The following DCHS2 variants were observed in gnomAD, a reference collection of about 807,000 sequenced individuals.
DCHS2 encodes the protein dachsous cadherin-related 2.
DCHS2 carries 142 observed loss-of-function variants against 182.4 expected under a neutral mutation model. The ratio of observed to expected loss-of-function variants is 0.78; its 90% confidence interval spans 0.68 to 0.89. The LOEUF (loss-of-function observed/expected upper bound fraction) is 0.89. DCHS2 is among the 40% of genes least tolerant of loss of function. DCHS2 has a pLI of 0.00. For missense variants in DCHS2, 4,319 were observed against 4,198.6 expected (o/e 1.03, Z -0.79); for synonymous variants, 1,740 against 1,663.3 (o/e 1.05, Z -1.12).
chr4:154,247,169 A>G lies in DCHS2; in HGVS notation c.6942-4397T>C, dbSNP rs563478179. Among the ~76,000 whole-genome samples the G allele has an allele frequency of 4.6e-5, 7 of 152,324 alleles. No homozygotes were observed. In the South Asian group the frequency reaches 1.0e-3, roughly 23 times the overall value. ...AAATTTCTAGAGAGAAGGAAAAATT[A>G]TACAAAGTAAAAGAATCAGAATGGT... On this transcript the variant is annotated intron_variant, in intron 16 of 19. Transcript: ENST00000357232.
chr4:154,420,246 CAGATAGATAGATAGATAGAT>C lies in DCHS2; in HGVS notation c.2053-42822_2053-42803del, dbSNP rs35709774. Among the ~76,000 whole-genome samples the C allele has an allele frequency of 9.7e-5, 14 of 144,854 alleles. No homozygotes were observed. In the South Asian group the frequency reaches 2.3e-3, roughly 23 times the overall value. The stretch of plus-strand genomic sequence containing the variant: ...ACAGAACCGATGGGAGACAGACAGA[CAGATAGATAGATAGATAGAT>C]AGATAGATAGATAGATAGATAGATA... On this transcript the variant is annotated intron_variant, in intron 1 of 19. Coordinates refer to ENST00000357232, the MANE Select transcript of DCHS2 (RefSeq NM_001358235.2).
chr4:154,251,193 G>A (rs1732337111), intron 16 of DCHS2, among the ~76,000 whole-genome samples: 1 of 152,174 alleles, frequency 6.6e-6, no homozygotes, highest in Non-Finnish European at 1.5e-5. Flanking sequence ...AGAATACACT[G>A]AGTTTAGCAT....
chr4:154,489,635 G>T lies in DCHS2; in HGVS notation c.1721C>A (p.Ala574Asp), dbSNP rs1309346720. Residue 574 changes from alanine to aspartate, a missense_variant, in exon 1 of 20, where the codon GCC becomes GAC. By Grantham distance (126) the Ala-to-Asp change is moderately radical (BLOSUM62 -2). Transcript: ENST00000357232. ...SDADEAGSDH[A>D]WLRYTVVQLS... is the part of the protein sequence containing the mutation. ...TTGGACTACAGTGTAGCGCAGCCAG[G>T]CGTGATCACTGCCTGCCTCGTCGGC... The T allele has an allele frequency of 6.4e-7, 1 of 1,551,618 alleles. No homozygotes were observed.
intron 1 of DCHS2, among the ~76,000 whole-genome samples, chr4:154,430,839 T>C (rs10000511): frequency 0.51 from 77,424 of 152,006 alleles, 20,914 homozygotes; most frequent in Middle Eastern, 0.67. Context: ...CATCCTACCC[T>C]GTGGCCCTGC....
chr4:154,446,895 G>A (rs1560764068), intron 1 of DCHS2, among the ~76,000 whole-genome samples: 1 of 152,028 alleles, frequency 6.6e-6, no homozygotes, highest in Non-Finnish European at 1.5e-5. Flanking sequence ...TTTGACTGAG[G>A]TAGTGGACAC....
At chr4:154,252,002 A>ATTT (rs1319123935) in intron 16 of DCHS2, among the ~76,000 whole-genome samples, 291 of 152,342 alleles carry the variant, frequency 1.9e-3, no homozygotes, top group Middle Eastern at 3.4e-3. Flanking sequence ...TATGAAAACT[A>ATTT]AAAATTATTT....
chr4:154,378,499 G>GGGAAGGAAGGAAGGAAGGAAGGAAGGAA (rs1199898647), intron 1 of DCHS2, among the ~76,000 whole-genome samples: 1,094 of 55,474 alleles, frequency 0.02, 201 homozygotes, highest in South Asian at 0.048. Context: ...GAGGGAGGGT[G>GGGAAGGAAGGAAGGAAGGAAGGAAGGAA]GGAAGGAAGG....
chr4:154,333,673 T>C lies in DCHS2; in HGVS notation c.2714-179A>G, dbSNP rs978173198. On this transcript the variant is annotated intron_variant, in intron 4 of 19. Transcript: ENST00000357232. The stretch of plus-strand genomic sequence containing the variant: ...ACCGTATTTTATTGTACCTTTTCTG[T>C]GCTCACATACATAAATCCTTACCAT... The C allele has an allele frequency of 4.4e-5, 29 of 663,140 alleles. No homozygotes were observed. The South Asian group carries it at 5.7e-4, about 13-fold the overall frequency. The allele number at this position is 663,140 out of a possible 1,614,324, so 41.1% of individuals were successfully genotyped here. A position where few individuals can be genotyped will look rare whatever the true frequency, so the allele number is the denominator to read the frequency against.
chr4:154,443,347 C>T (rs577839060), intron 1 of DCHS2, among the ~76,000 whole-genome samples: 1 of 152,304 alleles, frequency 6.6e-6, no homozygotes, highest in Admixed American at 6.5e-5. Flanking sequence ...CCACTCAAGG[C>T]TGTGGTAAAA....
At position 154,235,010 on chromosome 4, in the gene DCHS2, C is replaced by T. The variant is rs771804142; in HGVS notation, c.9642G>A (p.Arg3214=). ...TCGTCTGAGTTGAAAGAGCTGCACA[C>T]CTTACTTCCTGATCACCTGAAATAA... The part of the protein sequence containing the change: ...SVFISGDQEV[R]CAALSTQTTS... Residue 3214 remains arginine (R), a synonymous_variant, in exon 20 of 20, where the codon AGG becomes AGA. Transcript: ENST00000357232. 3 of 1,614,026 alleles carry T rather than the reference C, an allele frequency of 1.9e-6. No homozygotes were observed. Among genetic ancestry groups the T allele is most frequent in the Admixed American group, 1.7e-5 (1 of 60,010 alleles).
intron 1 of DCHS2, among the ~76,000 whole-genome samples, chr4:154,481,511 C>A (rs765939541): frequency 5.9e-5 from 9 of 152,160 alleles, no homozygotes; most frequent in Non-Finnish European, 1.3e-4. Flanking sequence ...TCCACCTCAG[C>A]CTCCCAAAGT....
chr4:154,447,471 C>T (rs566336343), intron 1 of DCHS2, among the ~76,000 whole-genome samples: 1 of 152,196 alleles, frequency 6.6e-6, no homozygotes, highest in South Asian at 2.1e-4. Flanking sequence ...ACTATATGCA[C>T]ATCTACAATT....
At chr4:154,300,190 G>A (rs1486856174) in intron 12 of DCHS2, among the ~76,000 whole-genome samples, 2 of 152,098 alleles carry the variant, frequency 1.3e-5, no homozygotes, top group African/African-American at 4.8e-5. Flanking sequence ...TAGGAAAAGG[G>A]CTGGCAGTAG....
At chr4:154,466,366 G>C (rs759592344) in intron 1 of DCHS2, among the ~76,000 whole-genome samples, 46 of 152,166 alleles carry the variant, frequency 3.0e-4, no homozygotes, top group Non-Finnish European at 3.4e-4. Flanking sequence ...AATTACCCAA[G>C]TCTAAGTTTT....
chr4:154,399,374 A>G (rs564324682), intron 1 of DCHS2, among the ~76,000 whole-genome samples: 4 of 152,344 alleles, frequency 2.6e-5, no homozygotes, highest in African/African-American at 9.6e-5. Flanking sequence ...AGTTAGAGAC[A>G]GTTTATGGAA....
chr4:154,429,895 C>T (rs1733489635), intron 1 of DCHS2, among the ~76,000 whole-genome samples: 2 of 152,176 alleles, frequency 1.3e-5, no homozygotes, highest in African/African-American at 4.8e-5. Flanking sequence ...GCCACTCACA[C>T]ACTGTGCCTC....
chr4:154,306,479 A>T (rs978972938), intron 10 of DCHS2, among the ~76,000 whole-genome samples: 1 of 152,100 alleles, frequency 6.6e-6, no homozygotes, highest in African/African-American at 2.4e-5. Flanking sequence ...AAAATTTGTT[A>T]TTCCTATCTC....
chr4:154,333,555 G>A, intron 4 of DCHS2, 61 bp from the exon 5 acceptor site: 1 of 1,468,776 alleles, frequency 6.8e-7, no homozygotes, highest in Non-Finnish European at 9.1e-7. Context: ...TGGAAACTCA[G>A]AAATTGAAAT....
At chr4:154,324,960 T>TA (rs1489270105) in intron 7 of DCHS2, among the ~76,000 whole-genome samples, 6 of 152,172 alleles carry the variant, frequency 3.9e-5, no homozygotes, top group South Asian at 4.1e-4. Flanking sequence ...TACTATCAGA[T>TA]AAAAAATAAA....
Sources: allele counts gnomAD v4.1 joint callset (sites outside exome capture counted in the v4.1 genomes callset), GRCh38; gene constraint gnomAD v4.1.1; transcripts MANE v1.5; gene names NCBI Gene and HGNC (gene_info 2026-07-23, HGNC 2026-07-21).